Variants in OSGEPL1 observed in about 807,000 individuals in gnomAD.
The protein encoded by OSGEPL1 is O-sialoglycoprotein endopeptidase like 1, also known as tRNA N6-adenosine threonylcarbamoyltransferase, mitochondrial.
A neutral mutation model predicts 37.2 loss-of-function variants in OSGEPL1; 26 were observed. That is an observed-to-expected ratio of 0.70 (90% CI 0.51 to 0.97). OSGEPL1 has a LOEUF of 0.97. OSGEPL1 is among the 50% of genes least tolerant of loss of function. The pLI is 0.00. For synonymous variants in OSGEPL1, 140 were observed against 159.9 expected (o/e 0.88, Z 0.94); for missense variants, 404 against 487.0 (o/e 0.83, Z 1.60).
intron 5 of OSGEPL1, 66 bp downstream of exon 5, chr2:189,753,850 A>G: frequency 6.5e-7 from 1 of 1,531,088 alleles, no homozygotes; most frequent in Non-Finnish European, 8.9e-7. Flanking sequence ...CACAAGGTCA[A>G]GGTCTTGGGA....
intron 8 of OSGEPL1, among the ~76,000 whole-genome samples, chr2:189,748,181 G>A (rs1216946477): frequency 6.6e-6 from 1 of 152,222 alleles, no homozygotes; most frequent in Non-Finnish European, 1.5e-5. Flanking sequence ...GTGGGTGAGT[G>A]AGTGGGTGAA....
chr2:189,752,142 A>G (rs1559162903), intron 7 of OSGEPL1, among the ~76,000 whole-genome samples: 1 of 152,062 alleles, frequency 6.6e-6, no homozygotes, highest in Admixed American at 6.5e-5. Context: ...ACTCTAAAAA[A>G]AAAAAGAAAA....
At chr2:189,752,214 G>T (rs2045376469) in intron 7 of OSGEPL1, among the ~76,000 whole-genome samples, 2 of 152,096 alleles carry the variant, frequency 1.3e-5, no homozygotes, top group Non-Finnish European at 2.9e-5. Context: ...AATAAGGCTT[G>T]CAGGAAACAG....
At chr2:189,750,503 A>G (rs1262579107) in intron 8 of OSGEPL1, 47 bp downstream of exon 8, 27 of 748,326 alleles carry the variant, frequency 3.6e-5, no homozygotes, top group Non-Finnish European at 6.0e-5. Flanking sequence ...ATCTTCTACA[A>G]TTTGATACAC....
intron 8 of OSGEPL1, chr2:189,747,421 T>G (rs140386984): frequency 6.6e-6 from 1 of 151,904 alleles, no homozygotes; most frequent in African/African-American, 2.4e-5. Flanking sequence ...AACAAAAATT[T>G]TTTAAAAGGG....
Position 189,753,996 on chromosome 2 carries a change from A to C in OSGEPL1, c.883T>G (p.Cys295Gly), listed in dbSNP as rs758192213. The stretch of plus-strand genomic sequence containing the variant: ...CGATGTGTTCTTTTCACAAGATGAC[A>C]TGCCATTGTGTGCTGTACTGTGGCA... Reference protein sequence around the residue: ...IAATVQHTMACHLVKRTHRAI... With the variant: ...IAATVQHTMAGHLVKRTHRAI... The change falls in exon 5 of 9, where the codon TGT becomes GGT. Residue 295 changes from cysteine to glycine, a missense_variant. By Grantham distance (159) the Cys-to-Gly change is radical (BLOSUM62 -3). Coordinates refer to ENST00000264151, the MANE Select transcript of OSGEPL1 (RefSeq NM_022353.3). The C allele has an allele frequency of 1.2e-6, 2 of 1,613,694 alleles. No individual in the cohort carries two copies. Among genetic ancestry groups the C allele is most frequent in the South Asian group, 2.2e-5 (2 of 91,066 alleles).
intron 7 of OSGEPL1, 53 bp downstream of exon 7, chr2:189,752,600 G>A: frequency 6.4e-7 from 1 of 1,572,374 alleles, no homozygotes; most frequent in South Asian, 1.1e-5. Context: ...CAAAATCCAG[G>A]CTTTGTCTTA....
At chr2:189,750,257 T>C (rs1306414566) in intron 8 of OSGEPL1, among the ~76,000 whole-genome samples, 1 of 152,198 alleles carries the variant, frequency 6.6e-6, no homozygotes, top group Non-Finnish European at 1.5e-5. Flanking sequence ...TAGGCCTGTA[T>C]GATACAGGGC....
At position 189,755,315 on chromosome 2, in the gene OSGEPL1, C is replaced by T; in HGVS notation, c.467G>A (p.Arg156Lys). The T allele has an allele frequency of 6.2e-7, 1 of 1,613,624 alleles. No homozygotes were observed. The highest frequency in any genetic ancestry group is 2.2e-5 in the East Asian group (1 of 44,878). Reference sequence around the variant, plus strand: ...AGGAAATTCTACTTTATTGGTCAACCTAATAGTAAGTGCATGAGCCTCCAT... The same window carrying T: ...AGGAAATTCTACTTTATTGGTCAACTTAATAGTAAGTGCATGAGCCTCCAT... ...HHMEAHALTI[R>K]LTNKVEFPFL... Residue 156 changes from arginine to lysine, a missense_variant, in exon 3 of 9, where the codon AGG becomes AAG. Coordinates refer to ENST00000264151, the MANE Select transcript of OSGEPL1 (RefSeq NM_022353.3).
chr2:189,752,645 C>G lies in OSGEPL1; in HGVS notation c.1166+8G>C. ...ACTTGCATAAAGATCATGAATGATA[C>G]CACATACTTTGGTTCATAGCGGATG... On this transcript the variant is annotated splice_region_variant and intron_variant, in intron 7 of 8. Transcript: ENST00000264151. The G allele has an allele frequency of 6.2e-7, 1 of 1,613,384 alleles. No homozygotes were observed. The highest frequency in any genetic ancestry group is 8.5e-7 in the Non-Finnish European group (1 of 1,179,702).
chr2:189,751,450 T>TG (rs1362954681), intron 7 of OSGEPL1, among the ~76,000 whole-genome samples: 5 of 150,574 alleles, frequency 3.3e-5, no homozygotes, highest in African/African-American at 9.8e-5. Flanking sequence ...TTGTGTTTTT[T>TG]TTTTTTTTTT....
At chr2:189,752,589 G>T in intron 7 of OSGEPL1, 64 bp downstream of exon 7, 1 of 1,538,730 alleles carries the variant, frequency 6.5e-7, no homozygotes. Flanking sequence ...ATATATAAAG[G>T]CAAAATCCAG....
chr2:189,761,981 A>C (rs1032358186), intron 1 of OSGEPL1, among the ~76,000 whole-genome samples: 2 of 152,220 alleles, frequency 1.3e-5, no homozygotes, highest in African/African-American at 4.8e-5. Context: ...ATTTTTTGAC[A>C]GCTAAAATTA....
chr2:189,748,303 A>T (rs1213589470), intron 8 of OSGEPL1, among the ~76,000 whole-genome samples: 2 of 152,188 alleles, frequency 1.3e-5, no homozygotes, highest in Non-Finnish European at 2.9e-5. Flanking sequence ...CCTGGGTTCA[A>T]AGCAATCATC....
At chr2:189,762,224 T>G (rs1449631892) in intron 1 of OSGEPL1, among the ~76,000 whole-genome samples, 1 of 152,226 alleles carries the variant, frequency 6.6e-6, no homozygotes, top group Non-Finnish European at 1.5e-5. Flanking sequence ...ACAGGTTTTG[T>G]CATAACAAGG....
chr2:189,753,706 T>C (rs972114698), intron 5 of OSGEPL1, among the ~76,000 whole-genome samples: 1 of 152,206 alleles, frequency 6.6e-6, no homozygotes, highest in African/African-American at 2.4e-5. Flanking sequence ...ATTAGACTTA[T>C]GTGCCATAGA....
chr2:189,760,515 C>T (rs939399131), intron 2 of OSGEPL1, among the ~76,000 whole-genome samples: 3 of 152,088 alleles, frequency 2.0e-5, no homozygotes, highest in Non-Finnish European at 2.9e-5. Flanking sequence ...ATTTCCAGCC[C>T]GGCGCGGTGT....
intron 2 of OSGEPL1, among the ~76,000 whole-genome samples, chr2:189,760,740 G>A (rs192616574): frequency 6.6e-6 from 1 of 151,896 alleles, no homozygotes; most frequent in African/African-American, 2.4e-5. Flanking sequence ...GCAGTGAGCC[G>A]AGATCATGCC....
intron 2 of OSGEPL1, among the ~76,000 whole-genome samples, chr2:189,759,438 G>C (rs573273260): frequency 2.6e-5 from 4 of 152,258 alleles, no homozygotes; most frequent in Non-Finnish European, 5.9e-5. Flanking sequence ...TTTTAGTAGA[G>C]ATGGGGTTTC....
Sources: allele counts gnomAD v4.1 joint callset (sites outside exome capture counted in the v4.1 genomes callset), GRCh38; gene constraint gnomAD v4.1.1; transcripts MANE v1.5; gene names NCBI Gene and HGNC (gene_info 2026-07-23, HGNC 2026-07-21).